Variants in DLG2 observed in about 807,000 individuals in gnomAD.
DLG2 encodes disks large homolog 2.
Under a neutral mutation model 132.5 loss-of-function variants are expected in DLG2, and 45 were observed. The observed-to-expected ratio is 0.34, with a 90% CI of 0.27 to 0.44. DLG2 has a LOEUF of 0.44. Among genes scored for constraint, DLG2 ranks in the 20% least tolerant of loss-of-function variants. The pLI is 1.00. For synonymous variants in DLG2, 424 were observed against 419.6 expected, an observed-to-expected ratio of 1.01 and a Z score of -0.13; for missense variants, 1,045 against 1,196.9, an observed-to-expected ratio of 0.87 and a Z score of 1.87.
chr11:84,282,357 G>A (rs112662028), intron 7 of DLG2, among the ~76,000 whole-genome samples: 157 of 152,254 alleles, frequency 1.0e-3, no homozygotes, highest in African/African-American at 3.7e-3. Flanking sequence ...GAATGGGGAG[G>A]TAGAGCAGGT....
intron 16 of DLG2, among the ~76,000 whole-genome samples, chr11:83,857,588 G>A (rs1176793432): frequency 6.6e-6 from 1 of 152,168 alleles, no homozygotes. Flanking sequence ...TATTTTGTAT[G>A]ACACCATAAT....
intron 6 of DLG2, among the ~76,000 whole-genome samples, chr11:84,579,333 A>C (rs573575473): frequency 1.5e-4 from 23 of 152,226 alleles, no homozygotes; most frequent in East Asian, 5.8e-4. Context: ...TTGCACTTTT[A>C]TTTAAAACTC....
chr11:84,551,776 C>T (rs1367712265), intron 6 of DLG2, among the ~76,000 whole-genome samples: 2 of 152,066 alleles, frequency 1.3e-5, no homozygotes, highest in Non-Finnish European at 2.9e-5. Flanking sequence ...TACTTTGGTC[C>T]TTTGGTTTAA....
chr11:83,467,527 T>A (rs2091252250), intron 25 of DLG2, among the ~76,000 whole-genome samples: 1 of 151,578 alleles, frequency 6.6e-6, no homozygotes. Flanking sequence ...GGCGGGTGGA[T>A]CACCTGAGAT....
At chr11:85,048,394 A>C (rs899919047) in intron 6 of DLG2, among the ~76,000 whole-genome samples, 1 of 151,938 alleles carries the variant, frequency 6.6e-6, no homozygotes, top group African/African-American at 2.4e-5. Flanking sequence ...GGAATAAAAG[A>C]TCACTTACTA....
intron 7 of DLG2, among the ~76,000 whole-genome samples, chr11:84,395,958 C>G (rs1306023751): frequency 6.6e-6 from 1 of 152,184 alleles, no homozygotes; most frequent in Non-Finnish European, 1.5e-5. Flanking sequence ...ATGGGCTAAA[C>G]TAATCTTTCA....
chr11:84,056,846 C>T (rs2096509747), intron 11 of DLG2, among the ~76,000 whole-genome samples: 1 of 152,104 alleles, frequency 6.6e-6, no homozygotes, highest in African/African-American at 2.4e-5. Flanking sequence ...GACCTCTGGA[C>T]AGCGACAGTA....
chr11:83,973,772 T>C (rs1293960957), intron 12 of DLG2, among the ~76,000 whole-genome samples: 3 of 152,078 alleles, frequency 2.0e-5, no homozygotes, highest in African/African-American at 4.8e-5. Flanking sequence ...CAGGGTTGAC[T>C]GAGGACTGGG....
intron 7 of DLG2, among the ~76,000 whole-genome samples, chr11:84,430,829 G>T (rs536945793): frequency 1.8e-4 from 27 of 152,198 alleles, no homozygotes; most frequent in Non-Finnish European, 4.0e-4. Context: ...GCAGGGCTGC[G>T]TTCAGCATGG....
At position 83,527,809 on chromosome 11, in the gene DLG2, T is replaced by C. The variant is rs988248609; in HGVS notation, c.2193+4899A>G. ...ACATATATTTCCCTTTCTTAAATTA[T>C]AGACTTAAAAAAGAAGTTTGGCATA... On this transcript the variant is annotated intron_variant, in intron 21 of 27. Transcript: ENST00000376104. Among the ~76,000 whole-genome samples the C allele has an allele frequency of 1.1e-4, 16 of 152,294 alleles. No homozygotes were observed. In the East Asian group the frequency reaches 1.3e-3, roughly 13 times the overall value.
intron 6 of DLG2, among the ~76,000 whole-genome samples, chr11:85,044,017 A>G (rs2062091768): frequency 1.3e-5 from 2 of 152,014 alleles, no homozygotes; most frequent in South Asian, 4.1e-4. Context: ...GCATTCTACT[A>G]GGAACTACCC....
chr11:85,206,762 G>A (rs2081923582), intron 4 of DLG2, among the ~76,000 whole-genome samples: 1 of 152,046 alleles, frequency 6.6e-6, no homozygotes, highest in Non-Finnish European at 1.5e-5. Flanking sequence ...GAACCCGGGA[G>A]GCAGAGCTTG....
chr11:84,935,766 T>C (rs1324867108), intron 6 of DLG2, among the ~76,000 whole-genome samples: 3 of 152,120 alleles, frequency 2.0e-5, no homozygotes, highest in Admixed American at 2.0e-4. Flanking sequence ...AATGCTGAGA[T>C]TAGAAAACTC....
chr11:85,022,755 G>A (rs1054729505), intron 6 of DLG2, among the ~76,000 whole-genome samples: 5 of 151,950 alleles, frequency 3.3e-5, no homozygotes, highest in East Asian at 1.9e-4. Context: ...ATATGTACCC[G>A]AACAAGTTGA....
chr11:85,614,579 G>A (rs1307041370), intron 2 of DLG2, among the ~76,000 whole-genome samples: 2 of 152,210 alleles, frequency 1.3e-5, no homozygotes, highest in African/African-American at 4.8e-5. Context: ...GGCAGAGGTT[G>A]CAGTAAGCCA....
At chr11:84,600,192 GAA>G (rs1197997033) in intron 6 of DLG2, among the ~76,000 whole-genome samples, 1 of 134,982 alleles carries the variant, frequency 7.4e-6, no homozygotes, top group Non-Finnish European at 1.5e-5. Flanking sequence ...AAGAAAGAAA[GAA>G]AGAAAGAAAG....
intron 6 of DLG2, among the ~76,000 whole-genome samples, chr11:84,613,526 A>C (rs1435309416): frequency 6.6e-6 from 1 of 152,062 alleles, no homozygotes. Context: ...AAAATAATTT[A>C]TTTTGCTGGT....
At chr11:84,111,748 A>G (rs1275943636) in intron 9 of DLG2, among the ~76,000 whole-genome samples, 1 of 152,174 alleles carries the variant, frequency 6.6e-6, no homozygotes, top group Non-Finnish European at 1.5e-5. Flanking sequence ...GTTCTCAAGG[A>G]GCTTACAGTC....
At chr11:84,278,916 C>G (rs1163917897) in intron 7 of DLG2, among the ~76,000 whole-genome samples, 1 of 151,850 alleles carries the variant, frequency 6.6e-6, no homozygotes, top group Admixed American at 6.6e-5. Flanking sequence ...CTGAACCCAT[C>G]AACCCGTCAC....
Sources: gnomAD v4.1 joint callset for allele counts (sites outside exome capture counted in the v4.1 genomes callset) on GRCh38, gnomAD v4.1.1 for gene constraint, MANE v1.5 for transcripts, NCBI Gene and HGNC (gene_info 2026-07-23, HGNC 2026-07-21) for gene names.